The following SCAPER variants were observed in gnomAD, a reference collection of about 807,000 sequenced individuals.
SCAPER encodes S-phase cyclin A associated protein in the ER, also known as S phase cyclin A-associated protein in the endoplasmic reticulum.
Under a neutral mutation model 182.2 loss-of-function variants are expected in SCAPER, and 98 were observed. The ratio of observed to expected loss-of-function variants is 0.54; its 90% CI spans 0.46 to 0.64. The LOEUF (loss-of-function observed/expected upper bound fraction) is 0.64. SCAPER is among the 30% of genes least tolerant of loss of function. SCAPER has a pLI of 0.00. For missense variants in SCAPER, 1,432 were observed against 1,690.0 expected, an observed-to-expected ratio of 0.85 and a Z score of 2.68; for synonymous variants, 605 against 564.6, an observed-to-expected ratio of 1.07 and a Z score of -1.01.
At chr15:76,502,762 G>C (rs1327166855) in intron 24 of SCAPER, among the ~76,000 whole-genome samples, 1 of 152,184 alleles carries the variant, frequency 6.6e-6, no homozygotes, top group Non-Finnish European at 1.5e-5. Flanking sequence ...CTTAAAGTGA[G>C]ATGAAGGAAC....
intron 1 of SCAPER, among the ~76,000 whole-genome samples, chr15:76,890,600 T>C (rs4886505): frequency 0.85 from 128,768 of 152,136 alleles, 54,723 homozygotes; most frequent in Middle Eastern, 0.91. Flanking sequence ...CACATACACC[T>C]TCCCAAGACT....
intron 7 of SCAPER, among the ~76,000 whole-genome samples, chr15:76,799,541 G>A (rs1486628699): frequency 6.6e-6 from 1 of 152,100 alleles, no homozygotes; most frequent in Non-Finnish European, 1.5e-5. Context: ...GGGATTACAG[G>A]TGTTTTTACT....
chr15:76,861,330 G>A (rs1205722080), intron 3 of SCAPER, among the ~76,000 whole-genome samples: 1 of 152,128 alleles, frequency 6.6e-6, no homozygotes. Context: ...AACACTTAAA[G>A]CAATTGATTA....
At chr15:76,592,571 C>A (rs1374288486) in intron 22 of SCAPER, among the ~76,000 whole-genome samples, 1 of 123,014 alleles carries the variant, frequency 8.1e-6, no homozygotes, top group African/African-American at 2.5e-5. Flanking sequence ...CAGCTCCCAG[C>A]GAGATCAACG....
At chr15:76,484,327 C>T (rs2051407195) in intron 24 of SCAPER, among the ~76,000 whole-genome samples, 1 of 151,928 alleles carries the variant, frequency 6.6e-6, no homozygotes, top group African/African-American at 2.4e-5. Flanking sequence ...TGGCTGACCC[C>T]ATAGAAATAC....
intron 22 of SCAPER, among the ~76,000 whole-genome samples, chr15:76,589,076 A>G (rs891424780): frequency 1.3e-5 from 2 of 152,108 alleles, no homozygotes; most frequent in African/African-American, 4.8e-5. Flanking sequence ...CTGCACAGAT[A>G]TCTCTAATGT....
intron 27 of SCAPER, among the ~76,000 whole-genome samples, chr15:76,403,282 T>C (rs970855378): frequency 3.3e-5 from 5 of 152,234 alleles, no homozygotes; most frequent in African/African-American, 7.2e-5. Context: ...TGATCCTACG[T>C]AGGTCACAGA....
At position 76,471,230 on chromosome 15, in the gene SCAPER, G is replaced by T; in HGVS notation, c.3060C>A (p.Leu1020=). ...FSNKITFLMD[L]LIHQLTVYVP... is the part of the protein sequence containing the mutation. ...TACATACCGTCAACTGGTGTATCAG[G>T]AGGTCCATTAAGAAGGTAATCTTGT... The change falls in exon 25 of 32, where the codon CTC becomes CTA. Residue 1020 remains leucine (L), a synonymous_variant. Coordinates refer to ENST00000563290, the MANE Select transcript of SCAPER (RefSeq NM_020843.4). 1.2e-6 allele frequency: 2 copies of T among 1,610,562 alleles called. No individual in the cohort carries two copies. The highest frequency in any genetic ancestry group is 2.2e-5 in the South Asian group (2 of 90,402).
rs1204412676 is a variant in SCAPER at position 76,804,630 on chromosome 15, C to A, written c.397G>T (p.Val133Leu). ...ACATAGTTATCCAGCATCATTAGCA[C>A]CTCCTAAAAGAAACAAAACAAAAAA... Reference protein sequence around the residue: ...SDQSVVECKEVLMMLDNYVRD... With the variant: ...SDQSVVECKELLMMLDNYVRD... The change falls in exon 6 of 32, where the codon GTG becomes TTG. Residue 133 changes from valine to leucine, a missense_variant. Physicochemically the swap from Val to Leu is conservative, Grantham distance 32. This residue lies in a region of SCAPER where 480 missense variants were observed against 510.2 expected (regional missense o/e 0.94). Coordinates refer to ENST00000563290, the MANE Select transcript of SCAPER (RefSeq NM_020843.4). 1.3e-6 allele frequency: 2 copies of A among 1,593,230 alleles called. No homozygotes were observed. The highest frequency in any genetic ancestry group is 1.7e-6 in the Non-Finnish European group (2 of 1,169,632).
At chr15:76,676,877 A>G (rs2057399701) in intron 20 of SCAPER, among the ~76,000 whole-genome samples, 1 of 150,886 alleles carries the variant, frequency 6.6e-6, no homozygotes, top group South Asian at 2.1e-4. Context: ...TACAATAAAT[A>G]TATATTAATA....
At chr15:76,569,619 T>G (rs145434875) in intron 23 of SCAPER, among the ~76,000 whole-genome samples, 1,721 of 152,234 alleles carry the variant, frequency 0.011, 39 homozygotes, top group African/African-American at 0.038. Context: ...TCTAAATGAT[T>G]ATCACTTCAA....
intron 26 of SCAPER, among the ~76,000 whole-genome samples, chr15:76,405,356 ATCCTC>A: frequency 6.6e-6 from 1 of 151,810 alleles, no homozygotes; most frequent in South Asian, 2.1e-4. Flanking sequence ...GCCTGATGCG[ATCCTC>A]CTGCCTCGGC....
intron 5 of SCAPER, among the ~76,000 whole-genome samples, chr15:76,835,173 A>G (rs981155603): frequency 6.6e-6 from 1 of 152,014 alleles, no homozygotes; most frequent in Admixed American, 6.6e-5. Flanking sequence ...ACACAATCCC[A>G]TTCACAATAG....
At chr15:76,704,891 A>G (rs1335698436) in intron 18 of SCAPER, among the ~76,000 whole-genome samples, 1 of 152,124 alleles carries the variant, frequency 6.6e-6, no homozygotes, top group Non-Finnish European at 1.5e-5. Flanking sequence ...AAAAGTCAGG[A>G]AACAACAGGT....
At chr15:76,547,160 A>G (rs976531361) in intron 23 of SCAPER, among the ~76,000 whole-genome samples, 4 of 152,158 alleles carry the variant, frequency 2.6e-5, no homozygotes, top group African/African-American at 7.2e-5. Flanking sequence ...CACTCTCACC[A>G]GCAGTGTACA....
intron 22 of SCAPER, among the ~76,000 whole-genome samples, chr15:76,609,170 C>T (rs1442115175): frequency 6.6e-6 from 1 of 152,142 alleles, no homozygotes; most frequent in African/African-American, 2.4e-5. Flanking sequence ...TGGCTCCTCC[C>T]TGGCATTTCT....
chr15:76,371,376 G>A (rs933894377), intron 29 of SCAPER, among the ~76,000 whole-genome samples: 2 of 150,634 alleles, frequency 1.3e-5, no homozygotes, highest in African/African-American at 4.9e-5. Flanking sequence ...CTGGAGTGCA[G>A]TGGCGTGATC....
At position 76,753,887 on chromosome 15, in the gene SCAPER, T is replaced by C; in HGVS notation, c.1787A>G (p.Glu596Gly). Residue 596 changes from glutamate to glycine, a missense_variant, in exon 15 of 32, where the codon GAA becomes GGA. Coordinates refer to ENST00000563290, the MANE Select transcript of SCAPER (RefSeq NM_020843.4). Reference protein sequence around the residue: ...LLDQRRRMMEEKLLHAEFKRE... With the variant: ...LLDQRRRMMEGKLLHAEFKRE... ...CTTAAACTCAGCATGAAGTAATTTT[T>C]CTTCCATCATCCTGCGTCGTTGATC... 1 of 1,613,240 alleles carries C rather than the reference T, an allele frequency of 6.2e-7. No individual in the cohort carries two copies. The highest frequency in any genetic ancestry group is 1.7e-5 in the Admixed American group (1 of 60,010).
chr15:76,642,074 A>C (rs2054149922), intron 21 of SCAPER, among the ~76,000 whole-genome samples: 1 of 152,204 alleles, frequency 6.6e-6, no homozygotes, highest in Non-Finnish European at 1.5e-5. Flanking sequence ...CAATTAGAAA[A>C]TGGTTAAAAA....
Sources: gnomAD v4.1 joint callset for allele counts (sites outside exome capture counted in the v4.1 genomes callset) on GRCh38, gnomAD v4.1.1 for gene constraint, gnomAD v4.1.1 regional missense constraint, MANE v1.5 for transcripts, NCBI Gene and HGNC (gene_info 2026-07-23, HGNC 2026-07-21) for gene names.